LYN: variants seen among roughly 807,000 people sequenced by gnomAD.
The protein encoded by LYN is LYN proto-oncogene, Src family tyrosine kinase.
Under a neutral mutation model 65.0 loss-of-function variants are expected in LYN, and 12 were observed. The ratio of observed to expected loss-of-function variants is 0.18; its 90% CI spans 0.12 to 0.30. LYN has a LOEUF of 0.30. Among genes scored for constraint, LYN ranks in the 10% least tolerant of loss-of-function variants. The pLI, the probability that LYN is intolerant of heterozygous loss-of-function variation, is 1.00. For synonymous variants in LYN, 222 were observed against 221.2 expected (o/e 1.00, Z -0.03); for missense variants, 380 against 623.2 (o/e 0.61, Z 4.16).
At chr8:55,892,292 C>T (rs903006393) in intron 1 of LYN, among the ~76,000 whole-genome samples, 1 of 152,088 alleles carries the variant, frequency 6.6e-6, no homozygotes, top group African/African-American at 2.4e-5. Flanking sequence ...TGGTGGCACA[C>T]ACCTGTAGTC....
chr8:55,933,855 G>A (rs1806337021), intron 1 of LYN, among the ~76,000 whole-genome samples: 1 of 151,132 alleles, frequency 6.6e-6, no homozygotes, highest in Non-Finnish European at 1.5e-5. Flanking sequence ...GCCCAGTGCT[G>A]CTGCCCCTTC....
intron 1 of LYN, among the ~76,000 whole-genome samples, chr8:55,922,291 T>C (rs1013303371): frequency 1.1e-4 from 17 of 152,086 alleles, no homozygotes; most frequent in Non-Finnish European, 1.9e-4. Context: ...GGTCTCACTG[T>C]GTTACCCAGA....
At chr8:55,981,292 C>T (rs915433992) in intron 10 of LYN, among the ~76,000 whole-genome samples, 22 of 152,186 alleles carry the variant, frequency 1.4e-4, no homozygotes, top group Admixed American at 6.5e-4. Flanking sequence ...TCTTCCATAG[C>T]GTGTACTGCA....
At position 55,887,573 on chromosome 8, in the gene LYN, TATAC is replaced by T. The variant is rs1438111944; in HGVS notation, c.-6+7472_-6+7475del. On this transcript the variant is annotated intron_variant, in intron 1 of 12. Transcript: ENST00000519728. ...AAAAATATAAATATATATATATATA[TATAC>T]ACACACACACACACACACACACACA... Among the ~76,000 whole-genome samples the T allele has an allele frequency of 5.1e-3, 218 of 42,584 alleles. 1 individual carries two copies. The highest frequency in any genetic ancestry group is 7.9e-3 in the Non-Finnish European group (171 of 21,542). The allele number at this position is 42,584 out of a possible 152,430, so 27.9% of individuals were successfully genotyped here. A position where few individuals can be genotyped will look rare whatever the true frequency, so the allele number is the denominator to read the frequency against.
At chr8:55,907,609 G>A (rs943355239) in intron 1 of LYN, among the ~76,000 whole-genome samples, 3 of 152,302 alleles carry the variant, frequency 2.0e-5, no homozygotes, top group Non-Finnish European at 2.9e-5. Flanking sequence ...GCTCACGCCT[G>A]TAATCCCAGG....
At position 55,941,891 on chromosome 8, in the gene LYN, G is replaced by C; in HGVS notation, c.32G>C (p.Ser11Thr). The change falls in exon 2 of 13, where the codon AGC becomes ACC. Residue 11 changes from serine (S) to threonine (T), a missense_variant. This residue lies in a region of LYN where 157 missense variants were observed against 193.2 expected (regional missense o/e 0.81). Coordinates refer to ENST00000519728, the MANE Select transcript of LYN (RefSeq NM_002350.4). Reference sequence around the variant, plus strand: ...TGTATAAAATCAAAAGGGAAAGACAGCTTGAGTGACGATGGAGTAGATTTG... The same window carrying C: ...TGTATAAAATCAAAAGGGAAAGACACCTTGAGTGACGATGGAGTAGATTTG... MGCIKSKGKD[S>T]LSDDGVDLKT... 1 of 1,613,060 alleles carries C rather than the reference G, an allele frequency of 6.2e-7. No individual in the cohort carries two copies. The highest frequency in any genetic ancestry group is 1.3e-5 in the African/African-American group (1 of 75,036).
chr8:55,912,975 C>A (rs1436347642), intron 1 of LYN, among the ~76,000 whole-genome samples: 1 of 151,940 alleles, frequency 6.6e-6, no homozygotes, highest in Non-Finnish European at 1.5e-5. Flanking sequence ...CAATATTTAA[C>A]CACTAGAAGA....
chr8:55,885,290 C>A (rs975571296), intron 1 of LYN, among the ~76,000 whole-genome samples: 3 of 152,232 alleles, frequency 2.0e-5, no homozygotes, highest in Non-Finnish European at 4.4e-5. Flanking sequence ...TTGTAGAACA[C>A]TGGGAAGAAG....
intron 1 of LYN, among the ~76,000 whole-genome samples, chr8:55,909,973 T>TTGTG (rs60104644): frequency 6.9e-6 from 1 of 145,864 alleles, no homozygotes; most frequent in Non-Finnish European, 1.5e-5. Context: ...ATGGGGTTGT[T>TTGTG]TGTGTGTGTG....
chr8:55,967,244 AG>A (rs1807484986), intron 9 of LYN, among the ~76,000 whole-genome samples: 1 of 151,102 alleles, frequency 6.6e-6, no homozygotes, highest in Non-Finnish European at 1.5e-5. Context: ...AAATGTGAAG[AG>A]TTCCCAGAAT....
intron 1 of LYN, among the ~76,000 whole-genome samples, chr8:55,907,901 A>G (rs1467452767): frequency 6.6e-6 from 1 of 152,166 alleles, no homozygotes; most frequent in Non-Finnish European, 1.5e-5. Context: ...AAATAAATAA[A>G]TACAAATTTT....
At chr8:55,970,457 A>C (rs1172598155) in intron 10 of LYN, among the ~76,000 whole-genome samples, 1 of 152,154 alleles carries the variant, frequency 6.6e-6, no homozygotes, top group Admixed American at 6.5e-5. Context: ...GCTGGCTTTT[A>C]CTAGTTTCAT....
intron 1 of LYN, among the ~76,000 whole-genome samples, chr8:55,897,344 A>G (rs1025749159): frequency 6.6e-6 from 1 of 152,098 alleles, no homozygotes; most frequent in Non-Finnish European, 1.5e-5. Flanking sequence ...TCATAATAAT[A>G]AGCTACATGC....
chr8:55,959,867 A>G (rs1056314144), intron 8 of LYN, among the ~76,000 whole-genome samples: 2 of 152,222 alleles, frequency 1.3e-5, no homozygotes, highest in Non-Finnish European at 2.9e-5. Context: ...ATGCTGTTTT[A>G]TGGATGACTT....
At position 55,969,752 on chromosome 8, in the gene LYN, G is replaced by A. The variant is rs374928456; in HGVS notation, c.1009G>A (p.Gly337Ser). The A allele has an allele frequency of 2.5e-6, 4 of 1,614,192 alleles. No individual in the cohort carries two copies. Among genetic ancestry groups the A allele is most frequent in the Non-Finnish European group, 3.4e-6 (4 of 1,180,004 alleles). Residue 337 changes from glycine (G) to serine (S), a missense_variant, in exon 10 of 13, where the codon GGC becomes AGC. By Grantham distance (56) the Gly-to-Ser change is moderately conservative. Transcript: ENST00000519728. ...GGATTTCCTGAAGAGCGATGAAGGT[G>A]GCAAAGTGCTGCTTCCAAAGCTCAT... ...LLDFLKSDEG[G>S]KVLLPKLIDF...
At chr8:55,984,326 G>A (rs1222668941) in intron 10 of LYN, among the ~76,000 whole-genome samples, 3 of 152,164 alleles carry the variant, frequency 2.0e-5, no homozygotes, top group African/African-American at 7.2e-5. Context: ...GCTCCCGTGA[G>A]CCCCTGCTGG....
At chr8:55,993,439 A>T (rs538981857) in intron 10 of LYN, among the ~76,000 whole-genome samples, 1 of 152,318 alleles carries the variant, frequency 6.6e-6, no homozygotes, top group African/African-American at 2.4e-5. Context: ...GCATTTAGTT[A>T]TGAGTACTGA....
At chr8:55,895,198 C>T (rs1049234400) in intron 1 of LYN, among the ~76,000 whole-genome samples, 9 of 152,062 alleles carry the variant, frequency 5.9e-5, no homozygotes, top group African/African-American at 2.2e-4. Context: ...TCTCTGTTAG[C>T]AACTGCTGGA....
intron 1 of LYN, among the ~76,000 whole-genome samples, chr8:55,897,456 G>C (rs1805149329): frequency 6.6e-6 from 1 of 152,126 alleles, no homozygotes; most frequent in African/African-American, 2.4e-5. Flanking sequence ...GACAGCAGAA[G>C]ATCTCCAGAG....
Sources: allele counts gnomAD v4.1 joint callset (sites outside exome capture counted in the v4.1 genomes callset), GRCh38; gene constraint gnomAD v4.1.1; regional missense constraint gnomAD v4.1.1; transcripts MANE v1.5; gene names NCBI Gene and HGNC (gene_info 2026-07-23, HGNC 2026-07-21).